Variants in TOGARAM2 observed in about 807,000 individuals in gnomAD.
TOGARAM2 encodes TOG array regulator of axonemal microtubules 2, also known as TOG array regulator of axonemal microtubules protein 2.
In TOGARAM2, 85 loss-of-function variants were observed where a neutral mutation model predicts 93.3. The ratio of observed to expected loss-of-function variants is 0.91; its 90% CI spans 0.76 to 1.09. The LOEUF is 1.09. Ranked by LOEUF, TOGARAM2 falls within the 50% of genes least tolerant of loss-of-function variation. The pLI is 0.00. For synonymous variants in TOGARAM2, 593 were observed against 552.8 expected (o/e 1.07, Z -1.02); for missense variants, 1,277 against 1,334.5 (o/e 0.96, Z 0.67).
At chr2:28,988,190 C>G (rs1672553318) in intron 1 of TOGARAM2, among the ~76,000 whole-genome samples, 2 of 152,126 alleles carry the variant, frequency 1.3e-5, no homozygotes, top group East Asian at 1.9e-4. Flanking sequence ...GTAGGTGCTG[C>G]CTGTAAGAAG....
intron 14 of TOGARAM2, among the ~76,000 whole-genome samples, chr2:29,031,647 A>T (rs1665771696): frequency 6.6e-6 from 1 of 152,210 alleles, no homozygotes; most frequent in Non-Finnish European, 1.5e-5. Flanking sequence ...TGTGGAAGGA[A>T]TGACCAAGTC....
At chr2:29,036,312 G>T (rs1022147993) in intron 17 of TOGARAM2, among the ~76,000 whole-genome samples, 1 of 152,168 alleles carries the variant, frequency 6.6e-6, no homozygotes, top group Non-Finnish European at 1.5e-5. Flanking sequence ...AAGACGCCCT[G>T]GACACTTGGC....
At chr2:29,014,150 A>G (rs1306778021) in intron 7 of TOGARAM2, among the ~76,000 whole-genome samples, 5 of 152,270 alleles carry the variant, frequency 3.3e-5, no homozygotes, top group East Asian at 3.9e-4. Context: ...AGCCTCCCCA[A>G]TCCCACACCT....
chr2:28,957,436 C>G (rs533227372), intron 1 of TOGARAM2, among the ~76,000 whole-genome samples: 14 of 152,310 alleles, frequency 9.2e-5, no homozygotes, highest in African/African-American at 3.1e-4. Context: ...CTGCCTCGAC[C>G]TCCCAAAGTG....
chr2:29,019,412 C>T (rs147160200), intron 10 of TOGARAM2, among the ~76,000 whole-genome samples: 1,568 of 152,122 alleles, frequency 0.01, 25 homozygotes, highest in African/African-American at 0.034. Flanking sequence ...TCAAGTGATT[C>T]GCCCACCTCA....
At chr2:29,010,399 C>A (rs562185507) in intron 6 of TOGARAM2, among the ~76,000 whole-genome samples, 2 of 152,274 alleles carry the variant, frequency 1.3e-5, no homozygotes, top group East Asian at 3.9e-4. Context: ...GAGGCTGGGC[C>A]TGGCCCTGGG....
intron 19 of TOGARAM2, 140 bp downstream of exon 19, chr2:29,045,550 T>C: frequency 1.4e-6 from 1 of 735,734 alleles, no homozygotes; most frequent in East Asian, 2.7e-5. Flanking sequence ...AATCTGCTTT[T>C]TTTGTGTGTG....
chr2:29,023,277 G>A, intron 12 of TOGARAM2, 86 bp downstream of exon 12: 1 of 1,119,138 alleles, frequency 8.9e-7, no homozygotes, highest in Non-Finnish European at 1.3e-6. Context: ...AGGGGCTGTG[G>A]CTTCAGGGAC....
At chr2:28,996,741 T>C (rs1390094071) in intron 2 of TOGARAM2, among the ~76,000 whole-genome samples, 1 of 145,222 alleles carries the variant, frequency 6.9e-6, no homozygotes, top group Non-Finnish European at 1.5e-5. Context: ...GGAGAATCAC[T>C]TGAACCCAGG....
Position 28,994,766 on chromosome 2 carries a change from A to G in TOGARAM2, c.-69A>G. 2 of 1,515,394 alleles carry G rather than the reference A, an allele frequency of 1.3e-6. No homozygotes were observed. The highest frequency in any genetic ancestry group is 1.8e-6 in the Non-Finnish European group (2 of 1,114,174). The allele number at this position is 1,515,394 out of a possible 1,614,324, so 93.9% of individuals were successfully genotyped here. A position where few individuals can be genotyped will look rare whatever the true frequency, so the allele number is the denominator to read the frequency against. On this transcript the variant is annotated 5_prime_UTR_variant, in exon 2 of 20. Coordinates refer to ENST00000379558, the MANE Select transcript of TOGARAM2 (RefSeq NM_199280.4). ...GTCAGAGCCCTCCAGACCCCCAAGG[A>G]CTGTACTCACTGCCCAGAAATAGCT...
intron 12 of TOGARAM2, 84 bp from the exon 13 acceptor site, chr2:29,024,055 G>A: frequency 3.5e-6 from 4 of 1,156,130 alleles, no homozygotes; most frequent in Non-Finnish European, 5.0e-6. Flanking sequence ...TGGAGGAAGA[G>A]GGTGGTGCAG....
chr2:29,026,178 C>T (rs993277326), intron 13 of TOGARAM2, among the ~76,000 whole-genome samples: 11 of 152,230 alleles, frequency 7.2e-5, no homozygotes, highest in Admixed American at 2.0e-4. Context: ...CTCTGCCCAT[C>T]GAGTGTTGCT....
In TOGARAM2 at chr2:28,966,154, C is replaced by G. The variant is rs906665277; in HGVS notation, c.-147+9457C>G. Among the ~76,000 whole-genome samples the G allele has an allele frequency of 3.9e-5, 6 of 152,082 alleles. No individual in the cohort carries two copies. The East Asian group carries it at 1.2e-3, about 29-fold the overall frequency. ...TACAGGTGTGCGCCACCACGCCTGGCTAGTTTTTGTATTTTTATTAGAGAC... is the reference window on the plus strand; with the variant it reads ...TACAGGTGTGCGCCACCACGCCTGGGTAGTTTTTGTATTTTTATTAGAGAC... On this transcript the variant is annotated intron_variant, in intron 1 of 6. Coordinates refer to the TOGARAM2 transcript ENST00000401723.
In TOGARAM2 at chr2:29,014,420, C is replaced by A; in HGVS notation, c.903C>A (p.Ile301=). ...AGCCAAAACCTTTGGCCTCACCCATCAGAGACAGGCCTGCCGCTGCCAAGA... is the reference window on the plus strand; with the variant it reads ...AGCCAAAACCTTTGGCCTCACCCATAAGAGACAGGCCTGCCGCTGCCAAGA... ...SLEPKPLASP[I]RDRPAAAKKP... Residue 301 remains isoleucine (I), a synonymous_variant, in exon 8 of 20, where the codon ATC becomes ATA. Transcript: ENST00000379558. 6.2e-7 allele frequency: 1 copy of A among 1,609,882 alleles called. No homozygotes were observed.
intron 1 of TOGARAM2, among the ~76,000 whole-genome samples, chr2:28,973,365 T>TTCCCTTCCTTCCTTCTTTCCTC (rs1671975325): frequency 1.1e-5 from 1 of 88,508 alleles, no homozygotes; most frequent in African/African-American, 4.7e-5. Context: ...CCTTCTTTCC[T>TTCCCTTCCTTCCTTCTTTCCTC]CCTTCCTTCC....
intron 6 of TOGARAM2, among the ~76,000 whole-genome samples, chr2:29,009,031 C>G (rs1664053946): frequency 1.3e-5 from 2 of 152,204 alleles, no homozygotes; most frequent in South Asian, 4.1e-4. Context: ...CTGTTAAGCA[C>G]CTACTATGTG....
Position 29,002,639 on chromosome 2 carries a change from C to T in TOGARAM2, c.531C>T (p.Leu177=), listed in dbSNP as rs1297289789. ...RLLRVPRPMP[L]IQSIPTTPEA... ...TGAGGGTGCCCAGGCCGATGCCTCT[C>T]ATCCAGAGCATCCCTACCACCCCTG... Residue 177 remains leucine (L), a synonymous_variant, in exon 5 of 20, where the codon CTC becomes CTT. Transcript: ENST00000379558. The T allele has an allele frequency of 1.2e-6, 2 of 1,613,992 alleles. No homozygotes were observed. The highest frequency in any genetic ancestry group is 1.7e-6 in the Non-Finnish European group (2 of 1,179,878).
rs1338898238 is a variant in TOGARAM2 at position 29,045,297 on chromosome 2, G to A, written c.2636-27G>A. 3.1e-6 allele frequency: 5 copies of A among 1,597,214 alleles called. No homozygotes were observed. In the South Asian group the frequency reaches 3.3e-5, roughly 11 times the overall value. ...CTGTCACTCAGCCCCCAGCAGTGTG[G>A]CCACTGACATCCCCCTTCTCTTTCA... is the stretch of plus-strand genomic sequence containing the variant. On this transcript the variant is annotated intron_variant, in intron 18 of 19. Transcript: ENST00000379558.
intron 14 of TOGARAM2, 146 bp from the exon 15 acceptor site, chr2:29,032,788 A>AT (rs1665848092): frequency 4.8e-6 from 3 of 622,244 alleles, no homozygotes; most frequent in South Asian, 4.3e-5. Context: ...TTATTAATCT[A>AT]TTTTTTAACT....
Sources: allele counts gnomAD v4.1 joint callset (sites outside exome capture counted in the v4.1 genomes callset), GRCh38; gene constraint gnomAD v4.1.1; transcripts MANE v1.5; gene names NCBI Gene and HGNC (gene_info 2026-07-23, HGNC 2026-07-21).